The following MARCHF4 variants were observed in gnomAD, a reference collection of about 807,000 sequenced individuals.
The protein encoded by MARCHF4 is E3 ubiquitin-protein ligase MARCHF4.
In MARCHF4, 14 loss-of-function variants were observed where a neutral mutation model predicts 43.9. The ratio of observed to expected loss-of-function variants is 0.32; its 90% CI spans 0.21 to 0.50. MARCHF4 has a LOEUF of 0.50. MARCHF4 is among the 20% of genes least tolerant of loss of function. MARCHF4 has a pLI of 0.98. For synonymous variants in MARCHF4, 226 were observed against 213.3 expected (o/e 1.06, Z -0.52); for missense variants, 468 against 536.7 (o/e 0.87, Z 1.27).
chr2:216,372,476 A>G lies in MARCHF4; in HGVS notation c.-2216T>C, dbSNP rs1262575694. 1.3e-5 allele frequency among the ~76,000 whole-genome samples: 2 copies of G among 151,908 alleles called. No homozygotes were observed. The highest frequency in any genetic ancestry group is 2.9e-5 in the Non-Finnish European group (2 of 67,966). The stretch of plus-strand genomic sequence containing the variant: ...GAGGGAGAGGGAGCAAGAGGAGGAG[A>G]GAACTGTGCGAGGGAAGGGGATGGG... On this transcript the variant is annotated 5_prime_UTR_variant, in exon 1 of 4. Coordinates refer to ENST00000273067, the MANE Select transcript of MARCHF4 (RefSeq NM_020814.3).
intron 1 of MARCHF4, among the ~76,000 whole-genome samples, chr2:216,316,613 A>G (rs924691518): frequency 6.6e-6 from 1 of 152,086 alleles, no homozygotes; most frequent in African/African-American, 2.4e-5. Flanking sequence ...AAAAAAATAG[A>G]TACACCCCCA....
At chr2:216,259,863 C>A in intron 3 of MARCHF4, 184 bp from the exon 4 acceptor site, 2 of 610,320 alleles carry the variant, frequency 3.3e-6, no homozygotes, top group Middle Eastern at 4.4e-4. Context: ...GAGGGGCCAC[C>A]AGACCGAGTC....
At chr2:216,272,953 G>A (rs1202643805) in intron 3 of MARCHF4, among the ~76,000 whole-genome samples, 3 of 152,222 alleles carry the variant, frequency 2.0e-5, no homozygotes, top group African/African-American at 7.2e-5. Flanking sequence ...CCTTTGGTAA[G>A]CACTGAGCCA....
chr2:216,329,011 C>T (rs766212841), intron 1 of MARCHF4, among the ~76,000 whole-genome samples: 7 of 151,996 alleles, frequency 4.6e-5, no homozygotes, highest in Non-Finnish European at 7.4e-5. Context: ...GCAACAAGAA[C>T]GAAATTCCGT....
At chr2:216,336,265 A>G (rs1692155886) in intron 1 of MARCHF4, among the ~76,000 whole-genome samples, 1 of 152,166 alleles carries the variant, frequency 6.6e-6, no homozygotes, top group African/African-American at 2.4e-5. Flanking sequence ...GTAAAAACCG[A>G]AAGATTTTTG....
At chr2:216,345,162 A>G (rs551307114) in intron 1 of MARCHF4, among the ~76,000 whole-genome samples, 1 of 151,932 alleles carries the variant, frequency 6.6e-6, no homozygotes, top group Non-Finnish European at 1.5e-5. Context: ...TGGGAGGTCC[A>G]GTGTAGATCC....
At chr2:216,351,656 G>A (rs940141609) in intron 1 of MARCHF4, among the ~76,000 whole-genome samples, 11 of 152,326 alleles carry the variant, frequency 7.2e-5, no homozygotes, top group East Asian at 5.8e-4. Flanking sequence ...CATGAGAGTG[G>A]AGGCCTTGTC....
At position 216,370,529 on chromosome 2, in the gene MARCHF4, G is replaced by A. The variant is rs570532372; in HGVS notation, c.-269C>T. 1 of 381,006 alleles carries A rather than the reference G, an allele frequency of 2.6e-6. No individual in the cohort carries two copies. The highest frequency in any genetic ancestry group is 4.7e-6 in the Non-Finnish European group (1 of 212,918). 23.6% of individuals were successfully genotyped at this position (381,006 alleles called of 1,614,324 possible). On this transcript the variant is annotated 5_prime_UTR_variant, in exon 1 of 4. Transcript: ENST00000273067. ...CCACCCCAACCTCCAACTTTGTTCAGTGTGTCTCCTTTCTGCTTTTGACCT... is the reference window on the plus strand; with the variant it reads ...CCACCCCAACCTCCAACTTTGTTCAATGTGTCTCCTTTCTGCTTTTGACCT...
At chr2:216,367,951 G>A (rs1692692298) in intron 1 of MARCHF4, among the ~76,000 whole-genome samples, 1 of 152,022 alleles carries the variant, frequency 6.6e-6, no homozygotes. Flanking sequence ...GGAGGGGGGG[G>A]CATGAAAAGG....
At chr2:216,280,083 C>G (rs1017852178) in intron 2 of MARCHF4, among the ~76,000 whole-genome samples, 1 of 152,070 alleles carries the variant, frequency 6.6e-6, no homozygotes, top group Non-Finnish European at 1.5e-5. Context: ...CAGTGTGAAG[C>G]GTGACGAAGG....
At chr2:216,367,771 T>A (rs564992604) in intron 1 of MARCHF4, among the ~76,000 whole-genome samples, 1 of 152,272 alleles carries the variant, frequency 6.6e-6, no homozygotes, top group Non-Finnish European at 1.5e-5. Context: ...GACCAGATCT[T>A]GTATCACATG....
At position 216,336,312 on chromosome 2, in the gene MARCHF4, T is replaced by G. The variant is rs115674187; in HGVS notation, c.516+33433A>C. Among the ~76,000 whole-genome samples, 769 of 152,166 alleles carry G rather than the reference T, an allele frequency of 5.1e-3. 9 individuals are homozygous for G. Among genetic ancestry groups the G allele is most frequent in the African/African-American group, 0.018 (728 of 41,516 alleles). On this transcript the variant is annotated intron_variant, in intron 1 of 3. Transcript: ENST00000273067. ...AACATTCTGGTGTCTAATGAGGAAA[T>G]ACACTTTTTGAATATTAAAGATACC...
chr2:216,340,133 G>A (rs1692214478), intron 1 of MARCHF4, among the ~76,000 whole-genome samples: 1 of 152,074 alleles, frequency 6.6e-6, no homozygotes, highest in Admixed American at 6.6e-5. Flanking sequence ...AAGTTGAGAG[G>A]GTGGGGCTGC....
chr2:216,277,859 C>G lies in MARCHF4; in HGVS notation c.678G>C (p.Gln226His). The change falls in exon 3 of 4, where the codon CAG becomes CAC. Residue 226 changes from glutamine to histidine, a missense_variant. By Grantham distance (24) the Gln-to-His change is conservative. Around this residue, in one of 3 missense-constraint regions of MARCHF4, gnomAD observed 158 missense variants for 251.1 expected, o/e 0.63. Transcript: ENST00000273067. ...TCTCAATGACCGTCAGAGAGATGGCCTGCCACTGCAGGGGAGAGAGTGGCC... is the reference window on the plus strand; with the variant it reads ...TCTCAATGACCGTCAGAGAGATGGCGTGCCACTGCAGGGGAGAGAGTGGCC... ...AISTKNPLQW[Q>H]AISLTVIEKV... The G allele has an allele frequency of 6.2e-7, 1 of 1,609,528 alleles. No homozygotes were observed. Among genetic ancestry groups the G allele is most frequent in the Non-Finnish European group, 8.5e-7 (1 of 1,176,334 alleles).
At chr2:216,354,963 C>CTTTT (rs1299407365) in intron 1 of MARCHF4, among the ~76,000 whole-genome samples, 1 of 129,032 alleles carries the variant, frequency 7.8e-6, no homozygotes, top group Admixed American at 7.9e-5. Context: ...TTCTTTCTTT[C>CTTTT]TTTCTTTCTT....
At chr2:216,304,453 A>C (rs1025192998) in intron 1 of MARCHF4, among the ~76,000 whole-genome samples, 1 of 152,162 alleles carries the variant, frequency 6.6e-6, no homozygotes, top group East Asian at 1.9e-4. Flanking sequence ...CAATAGAGGA[A>C]AGAGAAGCTG....
intron 3 of MARCHF4, 64 bp from the exon 4 acceptor site, chr2:216,259,743 CCA>C (rs1690711358): frequency 4.0e-6 from 6 of 1,502,326 alleles, no homozygotes; most frequent in Non-Finnish European, 5.5e-6. Flanking sequence ...GGCCAGGAGA[CCA>C]CAGTCTCTCT....
intron 1 of MARCHF4, among the ~76,000 whole-genome samples, chr2:216,355,456 C>T (rs79964494): frequency 0.02 from 3,115 of 152,192 alleles, 99 homozygotes; most frequent in African/African-American, 0.072. Context: ...CAAATTCCAG[C>T]CTCATGTCAA....
chr2:216,287,837 C>G (rs1179097583), intron 1 of MARCHF4, among the ~76,000 whole-genome samples: 1 of 151,912 alleles, frequency 6.6e-6, no homozygotes, highest in African/African-American at 2.4e-5. Flanking sequence ...GAAACAGCCG[C>G]TTTGTTTTTG....
Sources: allele counts gnomAD v4.1 joint callset (sites outside exome capture counted in the v4.1 genomes callset), GRCh38; gene constraint gnomAD v4.1.1; regional missense constraint gnomAD v4.1.1; transcripts MANE v1.5; gene names NCBI Gene and HGNC (gene_info 2026-07-23, HGNC 2026-07-21).